The following CACNA2D1 variants were observed in gnomAD, a reference collection of about 807,000 sequenced individuals.
CACNA2D1 encodes the protein calcium voltage-gated channel auxiliary subunit alpha2delta 1.
In CACNA2D1, 53 loss-of-function variants were observed where a neutral mutation model predicts 171.5. The observed-to-expected ratio is 0.31, with a 90% CI of 0.25 to 0.39. CACNA2D1 has a LOEUF of 0.39. Ranked by LOEUF, CACNA2D1 falls within the 10% of genes least tolerant of loss-of-function variation. CACNA2D1 has a pLI of 1.00. For synonymous variants in CACNA2D1, 442 were observed against 443.1 expected (o/e 1.00, Z 0.03); for missense variants, 903 against 1,299.8 (o/e 0.69, Z 4.69).
At chr7:82,166,996 T>C (rs1183634485) in intron 4 of CACNA2D1, among the ~76,000 whole-genome samples, 2 of 152,040 alleles carry the variant, frequency 1.3e-5, no homozygotes, top group Admixed American at 6.6e-5. Context: ...ACATTTTGCC[T>C]AAGTAATATT....
chr7:82,048,705 A>G (rs1804835484), intron 10 of CACNA2D1, among the ~76,000 whole-genome samples: 1 of 152,170 alleles, frequency 6.6e-6, no homozygotes, highest in Non-Finnish European at 1.5e-5. Flanking sequence ...AAGAACAAAT[A>G]TGATAGTTTA....
At chr7:82,423,979 T>A (rs1447884796) in intron 1 of CACNA2D1, among the ~76,000 whole-genome samples, 1 of 152,182 alleles carries the variant, frequency 6.6e-6, no homozygotes, top group Non-Finnish European at 1.5e-5. Context: ...AATATGTATA[T>A]CTTTTTAAAT....
At chr7:82,396,969 C>T (rs1268741287) in intron 1 of CACNA2D1, among the ~76,000 whole-genome samples, 1 of 152,182 alleles carries the variant, frequency 6.6e-6, no homozygotes, top group Admixed American at 6.5e-5. Flanking sequence ...CAATTTCTGA[C>T]ACTGTGAATT....
intron 3 of CACNA2D1, among the ~76,000 whole-genome samples, chr7:82,229,587 A>G (rs1051419984): frequency 6.6e-6 from 1 of 152,104 alleles, no homozygotes; most frequent in Admixed American, 6.6e-5. Flanking sequence ...TTCACCTCCT[A>G]GGTGAACTAG....
At chr7:82,443,296 A>G (rs2129460308) in intron 1 of CACNA2D1, 69 bp downstream of exon 1, 1 of 1,315,692 alleles carries the variant, frequency 7.6e-7, no homozygotes, top group Non-Finnish European at 1.0e-6. Flanking sequence ...GCGACTCGGG[A>G]ACCGACCCCC....
At chr7:82,386,533 G>C (rs1824405279) in intron 1 of CACNA2D1, among the ~76,000 whole-genome samples, 1 of 152,012 alleles carries the variant, frequency 6.6e-6, no homozygotes, top group Admixed American at 6.6e-5. Context: ...GGGAGTTCGA[G>C]ACCAGCCTGA....
intron 7 of CACNA2D1, among the ~76,000 whole-genome samples, chr7:82,067,643 T>C (rs1268246307): frequency 1.3e-5 from 2 of 152,202 alleles, no homozygotes; most frequent in African/African-American, 4.8e-5. Context: ...ACACAATCAA[T>C]GTAACTGAAA....
Position 81,994,849 on chromosome 7 carries a change from A to C in CACNA2D1, c.1734+19T>G. The C allele has an allele frequency of 8.3e-7, 1 of 1,207,114 alleles. No individual in the cohort carries two copies. The highest frequency in any genetic ancestry group is 1.2e-6 in the Non-Finnish European group (1 of 810,326). 74.8% of individuals were successfully genotyped at this position (1,207,114 alleles called of 1,614,324 possible). ...TTGATATAATTTTTATTTAAGAATA[A>C]GCTAGAATCAATTCTTACCTCATCT... is the stretch of plus-strand genomic sequence containing the variant. On this transcript the variant is annotated intron_variant, in intron 20 of 38. Transcript: ENST00000356860.
At chr7:81,969,015 T>C (rs1475101871) in intron 28 of CACNA2D1, 42 bp from the exon 29 acceptor site, 3 of 1,071,316 alleles carry the variant, frequency 2.8e-6, no homozygotes, top group African/African-American at 1.6e-5. Flanking sequence ...TCAAGATATA[T>C]TGAATAATAA....
chr7:82,270,500 G>A (rs1454730577), intron 3 of CACNA2D1, among the ~76,000 whole-genome samples: 2 of 152,050 alleles, frequency 1.3e-5, no homozygotes, highest in Non-Finnish European at 2.9e-5. Context: ...TTCGTTAAAG[G>A]ACATTTGGGT....
chr7:82,038,384 A>G, intron 10 of CACNA2D1, 149 bp from the exon 11 acceptor site: 1 of 685,922 alleles, frequency 1.5e-6, no homozygotes, highest in South Asian at 2.0e-5. Flanking sequence ...AAGGTGCATT[A>G]AGAAACCAAT....
chr7:82,145,782 A>G (rs912077866), intron 4 of CACNA2D1, among the ~76,000 whole-genome samples: 1 of 150,156 alleles, frequency 6.7e-6, no homozygotes, highest in Non-Finnish European at 1.5e-5. Context: ...TAAAATAGTT[A>G]ATCTTTGAGA....
intron 33 of CACNA2D1, 45 bp downstream of exon 33, chr7:81,964,162 C>T: frequency 6.2e-7 from 1 of 1,611,380 alleles, no homozygotes. Context: ...ACTGAGGACA[C>T]TTGAGTACCC....
intron 12 of CACNA2D1, chr7:82,028,564 A>T (rs1466641462): frequency 6.6e-6 from 1 of 151,834 alleles, no homozygotes; most frequent in Non-Finnish European, 1.5e-5. Flanking sequence ...GGGAAAACCC[A>T]ACTGAAAACC....
At chr7:82,415,834 A>G (rs1039398563) in intron 1 of CACNA2D1, among the ~76,000 whole-genome samples, 15 of 143,182 alleles carry the variant, frequency 1.0e-4, no homozygotes, top group Non-Finnish European at 4.7e-5. Context: ...GTAGATCAGT[A>G]TGTGTACACA....
chr7:82,380,309 A>C (rs1431809936), intron 1 of CACNA2D1, among the ~76,000 whole-genome samples: 2 of 152,224 alleles, frequency 1.3e-5, no homozygotes, highest in East Asian at 3.8e-4. Flanking sequence ...CATGTAATTC[A>C]TAATATCAAC....
At chr7:82,273,691 C>A (rs531040755) in intron 3 of CACNA2D1, among the ~76,000 whole-genome samples, 6 of 152,032 alleles carry the variant, frequency 3.9e-5, no homozygotes, top group Non-Finnish European at 8.8e-5. Context: ...AATAGGAAAA[C>A]ATTCTGAATA....
chr7:82,013,485 A>G lies in CACNA2D1; in HGVS notation c.1248T>C (p.Ile416=), dbSNP rs756462838. Residue 416 remains isoleucine (I), a synonymous_variant, in exon 14 of 39, where the codon ATT becomes ATC. Transcript: ENST00000356860. ...NKGYYYEIPS[I]GAIRINTQEY... Reference sequence around the variant, plus strand: ...CCTGAGTATTGATTCTTATTGCACCAATGGAAGGAATTTCATAATAATAAC... The same window carrying G: ...CCTGAGTATTGATTCTTATTGCACCGATGGAAGGAATTTCATAATAATAAC... The G allele has an allele frequency of 9.2e-7, 1 of 1,085,604 alleles. No individual in the cohort carries two copies. Among genetic ancestry groups the G allele is most frequent in the South Asian group, 1.8e-5 (1 of 55,540 alleles). 67.2% of individuals were successfully genotyped at this position (1,085,604 alleles called of 1,614,324 possible). A position where few individuals can be genotyped will look rare whatever the true frequency, so the allele number is the denominator to read the frequency against.
chr7:82,006,095 G>C (rs1328266010), intron 16 of CACNA2D1, among the ~76,000 whole-genome samples: 1 of 151,888 alleles, frequency 6.6e-6, no homozygotes. Context: ...AAATAAAAAT[G>C]TTTGACACTT....
Sources: allele counts gnomAD v4.1 joint callset (sites outside exome capture counted in the v4.1 genomes callset), GRCh38; gene constraint gnomAD v4.1.1; transcripts MANE v1.5; gene names NCBI Gene and HGNC (gene_info 2026-07-23, HGNC 2026-07-21).